Variants in GNG7 observed in about 807,000 individuals in gnomAD.
GNG7 encodes the protein guanine nucleotide-binding protein G(I)/G(S)/G(O) subunit gamma-7.
Under a neutral mutation model 4.0 loss-of-function variants are expected in GNG7, and 1 was observed. The ratio of observed to expected loss-of-function variants is 0.25; its 90% confidence interval spans 0.09 to 1.18. The LOEUF (loss-of-function observed/expected upper bound fraction) is 1.18. Among genes scored for constraint, GNG7 ranks in the 50% most tolerant of loss-of-function variants. The pLI is 0.50. For missense variants in GNG7, 86 were observed against 91.9 expected, an observed-to-expected ratio of 0.94 and a Z score of 0.26; for synonymous variants, 34 against 36.9, an observed-to-expected ratio of 0.92 and a Z score of 0.29.
At chr19:2,695,662 C>A (rs1913227105) in intron 1 of GNG7, among the ~76,000 whole-genome samples, 1 of 151,822 alleles carries the variant, frequency 6.6e-6, no homozygotes. Flanking sequence ...ACCCTGAAGA[C>A]CCCATGAGGA....
chr19:2,615,071 G>T lies in GNG7; in HGVS notation c.-78+31153C>A, dbSNP rs1981681651. ...CCTCCTTCCCTGGCTTCAGTGCTGG[G>T]CTGGGCAAGGTGTGTGGAATAGCCC... is the stretch of plus-strand genomic sequence containing the variant. On this transcript the variant is annotated intron_variant, in intron 2 of 4. Transcript: ENST00000382159. Among the ~76,000 whole-genome samples the T allele has an allele frequency of 2.0e-5, 3 of 152,196 alleles. No homozygotes were observed. In the South Asian group the frequency reaches 6.2e-4, roughly 31 times the overall value.
intron 1 of GNG7, among the ~76,000 whole-genome samples, chr19:2,686,259 G>A (rs1232433156): frequency 6.6e-6 from 1 of 151,856 alleles, no homozygotes; most frequent in Admixed American, 6.6e-5. Flanking sequence ...CCGCGTTCAA[G>A]CGATTCTCCT....
chr19:2,657,361 AATATATATATATATAT>A lies in GNG7; in HGVS notation c.-134-11097_-134-11082del, dbSNP rs869231931. On this transcript the variant is annotated intron_variant, in intron 1 of 4. Coordinates refer to ENST00000382159, the MANE Select transcript of GNG7 (RefSeq NM_052847.3). ...TTAAAAAAAAAAAAAAAAAAAAAAA[AATATATATATATATAT>A]ATATATATATATATATATATATACA... 7.2e-3 allele frequency among the ~76,000 whole-genome samples: 118 copies of A among 16,302 alleles called. 2 individuals are homozygous for A. Among genetic ancestry groups the A allele is most frequent in the South Asian group, 0.017 (6 of 362 alleles). 10.7% of individuals were successfully genotyped at this position (16,302 alleles called of 152,430 possible).
At chr19:2,636,480 C>T (rs905127480) in intron 2 of GNG7, among the ~76,000 whole-genome samples, 2 of 152,146 alleles carry the variant, frequency 1.3e-5, no homozygotes, top group African/African-American at 4.8e-5. Context: ...GGCAGGATGA[C>T]CTGCACTCTC....
chr19:2,611,673 C>T lies in GNG7; in HGVS notation c.-78+34551G>A, dbSNP rs1568262429. Reference sequence around the variant, plus strand: ...CCAAGAGAGCAACACCAGGTCTCTACAAAAAATTAAAAATTAGCCGGGCAT... The same window carrying T: ...CCAAGAGAGCAACACCAGGTCTCTATAAAAAATTAAAAATTAGCCGGGCAT... On this transcript the variant is annotated intron_variant, in intron 2 of 4. Coordinates refer to ENST00000382159, the MANE Select transcript of GNG7 (RefSeq NM_052847.3). The surrounding 1 kb of genome is among the most constrained non-coding windows in gnomAD (Gnocchi z 6.0). 1 of 151,812 alleles carries T rather than the reference C, an allele frequency of 6.6e-6. No homozygotes were observed. The highest frequency in any genetic ancestry group is 2.4e-5 in the African/African-American group (1 of 41,338). 9.4% of individuals were successfully genotyped at this position (151,812 alleles called of 1,614,324 possible).
chr19:2,517,253 A>G (rs1302061129), intron 4 of GNG7, among the ~76,000 whole-genome samples: 1 of 151,948 alleles, frequency 6.6e-6, no homozygotes. Flanking sequence ...TCATAGCTCA[A>G]TGCAGCCTCC....
At chr19:2,645,222 T>G (rs1408288231) in intron 2 of GNG7, among the ~76,000 whole-genome samples, 3 of 147,076 alleles carry the variant, frequency 2.0e-5, no homozygotes, top group Non-Finnish European at 4.4e-5. Flanking sequence ...CTTTCTTTCT[T>G]TCTTTTCTCT....
intron 2 of GNG7, among the ~76,000 whole-genome samples, chr19:2,622,903 A>G (rs1354305857): frequency 6.6e-6 from 1 of 152,256 alleles, no homozygotes; most frequent in African/African-American, 2.4e-5. Context: ...ACCGTGTATC[A>G]TTTATACCAC....
At chr19:2,668,042 C>G (rs1348081855) in intron 1 of GNG7, among the ~76,000 whole-genome samples, 1 of 152,144 alleles carries the variant, frequency 6.6e-6, no homozygotes, top group East Asian at 1.9e-4. Flanking sequence ...GAAATCTGAA[C>G]AGAGTGCAGA....
intron 2 of GNG7, among the ~76,000 whole-genome samples, chr19:2,601,801 G>T (rs540952995): frequency 6.6e-6 from 1 of 152,102 alleles, no homozygotes; most frequent in East Asian, 1.9e-4. Context: ...CAGCTACTAG[G>T]GAGGTTGAAG....
chr19:2,663,431 C>T lies in GNG7; in HGVS notation c.-134-17151G>A, dbSNP rs79816672. The stretch of plus-strand genomic sequence containing the variant: ...TCCACCTCTGACGCAGCAAGAAGGC[C>T]CTCACCAGATGCCAGCACCTCGACA... On this transcript the variant is annotated intron_variant, in intron 1 of 4. Coordinates refer to ENST00000382159, the MANE Select transcript of GNG7 (RefSeq NM_052847.3). Among the ~76,000 whole-genome samples the T allele has an allele frequency of 2.0e-3, 301 of 151,986 alleles. 2 individuals are homozygous for T. The highest frequency in any genetic ancestry group is 7.1e-3 in the African/African-American group (292 of 41,380).
At chr19:2,682,059 G>A (rs536816542) in intron 1 of GNG7, among the ~76,000 whole-genome samples, 5 of 152,168 alleles carry the variant, frequency 3.3e-5, no homozygotes, top group South Asian at 2.1e-4. Flanking sequence ...ACAGGCGCGC[G>A]CCACCACGCC....
chr19:2,644,326 T>TA (rs1323619301), intron 2 of GNG7, among the ~76,000 whole-genome samples: 5 of 64,618 alleles, frequency 7.7e-5, no homozygotes, highest in Admixed American at 1.7e-4. Context: ...CGGCCTACAC[T>TA]TTATATATAT....
chr19:2,537,472 C>T lies in GNG7; in HGVS notation c.-37-16747G>A, dbSNP rs190157586. Among the ~76,000 whole-genome samples the T allele has an allele frequency of 7.2e-3, 1,101 of 152,242 alleles. 11 individuals carry two copies. Among genetic ancestry groups the T allele is most frequent in the African/African-American group, 0.013 (534 of 41,540 alleles). ...CTATGTTGCCCAGGCTGGTCTCAAG[C>T]GATCCTCCTGCCTCAGCCTCCCAAA... On this transcript the variant is annotated intron_variant, in intron 3 of 4. Transcript: ENST00000382159.
rs759356794 is a variant in GNG7, at chr19:2,538,087, A to AAAC, written c.-38+17059_-38+17061dup. On this transcript the variant is annotated intron_variant, in intron 3 of 4. Transcript: ENST00000382159. Reference sequence around the variant, plus strand: ...GCAAGACTCTCTCTCAAACAAAACAAAACAAAACAAAACAAAACAACAATG... The same window carrying AAAC: ...GCAAGACTCTCTCTCAAACAAAACAAAACAACAAAACAAAACAAAACAACAATG... 2.4e-3 allele frequency: 1,079 copies of AAAC among 453,296 alleles called. 10 individuals are homozygous for AAAC. The highest frequency in any genetic ancestry group is 0.019 in the African/African-American group (928 of 49,708). The allele number at this position is 453,296 out of a possible 1,614,324, so 28.1% of individuals were successfully genotyped here. A position where few individuals can be genotyped will look rare whatever the true frequency, so the allele number is the denominator to read the frequency against.
intron 3 of GNG7, among the ~76,000 whole-genome samples, chr19:2,530,338 G>A (rs1447389414): frequency 1.3e-5 from 2 of 152,076 alleles, no homozygotes; most frequent in South Asian, 4.2e-4. Flanking sequence ...ACTTAAACCC[G>A]GGAGGCAGTG....
chr19:2,638,523 A>G (rs1982391765), intron 2 of GNG7, among the ~76,000 whole-genome samples: 1 of 12,740 alleles, frequency 7.8e-5, no homozygotes, highest in African/African-American at 2.3e-4. Flanking sequence ...GGGGAGGGGA[A>G]GGGAAGAGGG....
Position 2,513,700 on chromosome 19 carries a change from C to G in GNG7, c.*1322G>C, listed in dbSNP as rs1328015155. 9.7e-6 allele frequency: 3 copies of G among 308,042 alleles called. No individual in the cohort carries two copies. Among genetic ancestry groups the G allele is most frequent in the Non-Finnish European group, 1.4e-5 (3 of 211,090 alleles). 19.1% of individuals were successfully genotyped at this position (308,042 alleles called of 1,614,324 possible). A position where few individuals can be genotyped will look rare whatever the true frequency, so the allele number is the denominator to read the frequency against. ...GACGTTTTGATCTCCGGGACAACGT[C>G]TCACCTCCCAGAGTCCTTCAGAGTC... is the stretch of plus-strand genomic sequence containing the variant. On this transcript the variant is annotated 3_prime_UTR_variant, in exon 5 of 5. Coordinates refer to ENST00000382159, the MANE Select transcript of GNG7 (RefSeq NM_052847.3).
intron 2 of GNG7, among the ~76,000 whole-genome samples, chr19:2,624,536 A>G (rs1201114588): frequency 1.3e-5 from 2 of 151,348 alleles, no homozygotes; most frequent in African/African-American, 4.9e-5. Context: ...CTCAAAAAAA[A>G]AAAAAAAAAA....
Sources: gnomAD v4.1 joint callset for allele counts (sites outside exome capture counted in the v4.1 genomes callset) on GRCh38, gnomAD v4.1.1 for gene constraint, Gnocchi (gnomAD v3.1) non-coding constraint, MANE v1.5 for transcripts, NCBI Gene and HGNC (gene_info 2026-07-23, HGNC 2026-07-21) for gene names.